Variants in VPS13D observed in about 807,000 individuals in gnomAD.
VPS13D encodes vacuolar protein sorting 13 homolog D.
Under a neutral mutation model 461.9 loss-of-function variants are expected in VPS13D, and 187 were observed. The ratio of observed to expected loss-of-function variants is 0.40; its 90% CI spans 0.36 to 0.46. The LOEUF is 0.46. Ranked by LOEUF, VPS13D falls within the 20% of genes least tolerant of loss-of-function variation. The probability of loss-of-function intolerance (pLI) is 0.60; values close to 1 mark genes in which losing one functional copy is unlikely to be tolerated. For synonymous variants in VPS13D, 1,951 were observed against 1,986.3 expected, an observed-to-expected ratio of 0.98 and a Z score of 0.47; for missense variants, 4,711 against 5,364.9, an observed-to-expected ratio of 0.88 and a Z score of 3.81.
intron 58 of VPS13D, among the ~76,000 whole-genome samples, chr1:12,384,469 A>G (rs573364283): frequency 6.6e-6 from 1 of 152,236 alleles, no homozygotes; most frequent in Non-Finnish European, 1.5e-5. Context: ...AAGTCATTGT[A>G]ACTATGGCTC....
Position 12,497,627 on chromosome 1 carries a change from G to C in VPS13D, c.12790G>C (p.Glu4264Gln). 1 of 1,611,980 alleles carries C rather than the reference G, an allele frequency of 6.2e-7. No individual in the cohort carries two copies. The change falls in exon 68 of 70, where the codon GAA (glutamate) becomes CAA (glutamine). Residue 4264 changes from glutamate to glutamine, a missense_variant. Physicochemically the swap from Glu to Gln is conservative, Grantham distance 29. Transcript: ENST00000620676. The stretch of plus-strand genomic sequence containing the variant: ...CAAACTCACAGACAACATACAGGAC[G>C]AATTGTAAGTTAGAGCATGGGAAAC... ...LFKLTDNIQD[E>Q]FFIAVENIDS... is the part of the protein sequence containing the mutation.
At chr1:12,379,667 G>A in intron 57 of VPS13D, 71 bp downstream of exon 57, 1 of 1,096,408 alleles carries the variant, frequency 9.1e-7, no homozygotes, top group Non-Finnish European at 1.4e-6. Context: ...TCTCTACTAA[G>A]TTATACATGA....
Position 12,342,969 on chromosome 1 carries a change from C to T in VPS13D, c.8803C>T (p.His2935Tyr), listed in dbSNP as rs1643603557. ...EGNGTFLDDTHNVSEWREVLT... is the reference protein window; with the variant it reads ...EGNGTFLDDTYNVSEWREVLT... The stretch of plus-strand genomic sequence containing the variant: ...GAACGGAACATTTCTCGATGATACT[C>T]ACAATGTTAGTGAATGGCGAGAAGT... Residue 2935 changes from histidine to tyrosine, a missense_variant, in exon 42 of 70, where the codon CAC becomes TAC. By Grantham distance (83) the His-to-Tyr change is moderately conservative. This residue lies in a region of VPS13D where 4,411 missense variants were observed against 4,937.8 expected (regional missense o/e 0.89). Coordinates refer to ENST00000620676, the MANE Select transcript of VPS13D (RefSeq NM_015378.4). The T allele has an allele frequency of 3.7e-6, 6 of 1,613,916 alleles. No homozygotes were observed. In the South Asian group the frequency reaches 5.5e-5, roughly 15 times the overall value.
chr1:12,351,752 C>T (rs1202512422), intron 46 of VPS13D, among the ~76,000 whole-genome samples: 10 of 151,066 alleles, frequency 6.6e-5, no homozygotes, highest in South Asian at 2.1e-4. Context: ...CCACCACAAC[C>T]GGCTGATTTT....
chr1:12,354,046 A>T lies in VPS13D; in HGVS notation c.9504A>T (p.Lys3168Asn). 1 of 1,614,184 alleles carries T rather than the reference A, an allele frequency of 6.2e-7. No individual in the cohort carries two copies. The change falls in exon 47 of 70, where the codon AAA becomes AAT. Residue 3168 changes from lysine (K) to asparagine (N), a missense_variant. By Grantham distance (94) the Lys-to-Asn change is moderately conservative. Coordinates refer to ENST00000620676, the MANE Select transcript of VPS13D (RefSeq NM_015378.4). ...MPSNIFSDSAKQIFRQPGHTI... is the reference protein window; with the variant it reads ...MPSNIFSDSANQIFRQPGHTI... ...CAAACATATTTTCTGACAGTGCAAA[A>T]CAGATTTTCAGACAGCCTGGGCATA...
Position 12,345,446 on chromosome 1 carries a change from T to C in VPS13D, c.8958T>C (p.Ser2986=), listed in dbSNP as rs1449400391. 1 of 1,613,914 alleles carries C rather than the reference T, an allele frequency of 6.2e-7. No individual in the cohort carries two copies. Among genetic ancestry groups the C allele is most frequent in the African/African-American group, 1.3e-5 (1 of 74,932 alleles). ...GCTGGGAGCAAGTGAGCCCAGTGTC[T>C]GTGGACAAAGTCGGGACCTTTTTTC... is the stretch of plus-strand genomic sequence containing the variant. The part of the protein sequence containing the change: ...VNGWEQVSPV[S]VDKVGTFFRY... Residue 2986 remains serine, a synonymous_variant, in exon 43 of 70, where the codon TCT becomes TCC. Transcript: ENST00000620676.
intron 9 of VPS13D, 138 bp from the exon 10 acceptor site, chr1:12,257,797 A>G (rs2101270132): frequency 9.5e-7 from 1 of 1,055,674 alleles, no homozygotes; most frequent in Admixed American, 2.3e-5. Context: ...ATTAAGACGA[A>G]CTTAATATAT....
chr1:12,311,437 T>C lies in VPS13D; in HGVS notation c.6651-17T>C, dbSNP rs200012676. ...TAGTGACTTGTCTGTGTAAGTGATC[T>C]TTTTTCTTTTTCATAGAGAAATAAG... On this transcript the variant is annotated splice_polypyrimidine_tract_variant and intron_variant, in intron 27 of 69. Coordinates refer to ENST00000620676, the MANE Select transcript of VPS13D (RefSeq NM_015378.4). The C allele has an allele frequency of 9.4e-6, 15 of 1,594,484 alleles. No individual in the cohort carries two copies. Among genetic ancestry groups the C allele is most frequent in the Admixed American group, 7.1e-5 (4 of 56,168 alleles).
chr1:12,399,171 TA>T (rs1419917685), intron 60 of VPS13D, among the ~76,000 whole-genome samples: 2 of 152,144 alleles, frequency 1.3e-5, no homozygotes, highest in African/African-American at 4.8e-5. Flanking sequence ...GTTGTGGACT[TA>T]AAAAATTACT....
chr1:12,448,152 T>G (rs1028650567), intron 65 of VPS13D, among the ~76,000 whole-genome samples: 1 of 152,172 alleles, frequency 6.6e-6, no homozygotes, highest in East Asian at 1.9e-4. Flanking sequence ...AGAGTGTGTC[T>G]TTTGCTCATG....
chr1:12,335,242 T>A (rs1053740809), intron 38 of VPS13D, among the ~76,000 whole-genome samples: 1 of 152,184 alleles, frequency 6.6e-6, no homozygotes, highest in Non-Finnish European at 1.5e-5. Flanking sequence ...AAGTTTTGTA[T>A]TTTTAGTAGA....
chr1:12,359,856 G>A (rs938361680), intron 50 of VPS13D, among the ~76,000 whole-genome samples: 2 of 152,182 alleles, frequency 1.3e-5, no homozygotes, highest in South Asian at 2.1e-4. Context: ...TCTCACTTTC[G>A]TTTGCTCCAC....
intron 65 of VPS13D, among the ~76,000 whole-genome samples, chr1:12,439,455 C>T (rs1352443838): frequency 6.6e-6 from 1 of 151,344 alleles, no homozygotes; most frequent in African/African-American, 2.4e-5. Context: ...AATTGCAGCC[C>T]CCTCCAGCTA....
intron 60 of VPS13D, among the ~76,000 whole-genome samples, chr1:12,394,411 T>C (rs1644468514): frequency 6.6e-6 from 1 of 152,228 alleles, no homozygotes; most frequent in Admixed American, 6.5e-5. Context: ...TTGCCTCTGC[T>C]GTGCATTATG....
At chr1:12,412,394 A>AAT (rs1644740828) in intron 63 of VPS13D, among the ~76,000 whole-genome samples, 1 of 152,218 alleles carries the variant, frequency 6.6e-6, no homozygotes, top group Non-Finnish European at 1.5e-5. Context: ...AGCTTACACT[A>AAT]TTCGATTTCA....
chr1:12,377,820 C>CA (rs1193875764), intron 55 of VPS13D, among the ~76,000 whole-genome samples: 59 of 77,010 alleles, frequency 7.7e-4, no homozygotes, highest in Admixed American at 2.5e-3. Context: ...AACTCCATCC[C>CA]AAAAAAAAAA....
chr1:12,285,523 CA>C (rs1350912553), intron 21 of VPS13D, among the ~76,000 whole-genome samples: 4 of 152,194 alleles, frequency 2.6e-5, no homozygotes, highest in African/African-American at 9.6e-5. Context: ...CTCCTGACCT[CA>C]AGTGGTCTGC....
intron 1 of VPS13D, among the ~76,000 whole-genome samples, chr1:12,232,973 C>T (rs1336805714): frequency 6.6e-6 from 1 of 151,394 alleles, no homozygotes; most frequent in Non-Finnish European, 1.5e-5. Flanking sequence ...CTCCCCCCAC[C>T]CCCAACTTTA....
chr1:12,239,143 T>A (rs1004167702), intron 2 of VPS13D, among the ~76,000 whole-genome samples: 1 of 152,042 alleles, frequency 6.6e-6, no homozygotes, highest in African/African-American at 2.4e-5. Context: ...CTTTTTTTCT[T>A]TTTTCTTTTT....
Sources: allele counts gnomAD v4.1 joint callset (sites outside exome capture counted in the v4.1 genomes callset), GRCh38; gene constraint gnomAD v4.1.1; regional missense constraint gnomAD v4.1.1; transcripts MANE v1.5; gene names NCBI Gene and HGNC (gene_info 2026-07-23, HGNC 2026-07-21).